Variants in SBF2 observed in about 807,000 individuals in gnomAD.
SBF2 encodes the protein SET binding factor 2, also known as myotubularin-related protein 13.
Under a neutral mutation model 225.2 loss-of-function variants are expected in SBF2, and 112 were observed. The observed-to-expected ratio is 0.50, with a 90% confidence interval of 0.43 to 0.58. The LOEUF is 0.58. SBF2 is among the 20% of genes least tolerant of loss of function. The probability of loss-of-function intolerance (pLI) is 0.00; values close to 1 mark genes in which losing one functional copy is unlikely to be tolerated. For missense variants in SBF2, 1,996 were observed against 2,206.2 expected (o/e 0.90, Z 1.91); for synonymous variants, 763 against 773.3 (o/e 0.99, Z 0.22).
At chr11:10,258,945 T>C (rs78120782) in intron 1 of SBF2, among the ~76,000 whole-genome samples, 3,275 of 151,716 alleles carry the variant, frequency 0.022, 91 homozygotes, top group African/African-American at 0.065. Flanking sequence ...ACAGAAAAAA[T>C]GAGGGGCAGG....
intron 8 of SBF2, among the ~76,000 whole-genome samples, chr11:9,998,581 G>A (rs1466550857): frequency 2.0e-5 from 3 of 152,162 alleles, no homozygotes; most frequent in Non-Finnish European, 4.4e-5. Context: ...TGTGGCATGT[G>A]GCTAAGATTC....
At chr11:10,179,480 G>C (rs1291717078) in intron 2 of SBF2, among the ~76,000 whole-genome samples, 1 of 152,082 alleles carries the variant, frequency 6.6e-6, no homozygotes, top group African/African-American at 2.4e-5. Flanking sequence ...ATGTGCTGAG[G>C]AGAACATATA....
chr11:10,115,840 T>C (rs1953111443), intron 2 of SBF2, among the ~76,000 whole-genome samples: 1 of 152,204 alleles, frequency 6.6e-6, no homozygotes, highest in African/African-American at 2.4e-5. Flanking sequence ...TAAGTTATAA[T>C]ACTACTACAA....
chr11:10,201,500 T>C (rs560832772), intron 1 of SBF2, among the ~76,000 whole-genome samples: 1 of 152,210 alleles, frequency 6.6e-6, no homozygotes, highest in Non-Finnish European at 1.5e-5. Context: ...TCATATTTGA[T>C]CCATTTAGCA....
chr11:9,970,998 TC>T (rs1381961123), intron 13 of SBF2, among the ~76,000 whole-genome samples: 1 of 152,204 alleles, frequency 6.6e-6, no homozygotes, highest in African/African-American at 2.4e-5. Flanking sequence ...GTGTTTTTGT[TC>T]TTCTCTGTTC....
At chr11:10,209,793 A>C (rs1295831763) in intron 1 of SBF2, among the ~76,000 whole-genome samples, 19 of 152,100 alleles carry the variant, frequency 1.2e-4, no homozygotes, top group Non-Finnish European at 2.6e-4. Flanking sequence ...GAAAACCTAA[A>C]ACATTAATAG....
At chr11:9,932,281 C>T (rs1864550555) in intron 16 of SBF2, among the ~76,000 whole-genome samples, 1 of 152,118 alleles carries the variant, frequency 6.6e-6, no homozygotes, top group African/African-American at 2.4e-5. Context: ...ATACAGAGAA[C>T]ACCACAAAGA....
chr11:9,980,478 G>T (rs1200696845), intron 13 of SBF2, among the ~76,000 whole-genome samples: 1 of 151,816 alleles, frequency 6.6e-6, no homozygotes, highest in Non-Finnish European at 1.5e-5. Flanking sequence ...TATGGCTAAT[G>T]ATTTCTGCAT....
chr11:10,254,419 A>G (rs529324570), intron 1 of SBF2, among the ~76,000 whole-genome samples: 2 of 151,884 alleles, frequency 1.3e-5, no homozygotes, highest in Middle Eastern at 6.8e-3. Flanking sequence ...ATATGATCCA[A>G]CTATCCCACT....
chr11:10,287,112 G>A (rs1284589568), intron 1 of SBF2, among the ~76,000 whole-genome samples: 3 of 152,094 alleles, frequency 2.0e-5, no homozygotes, highest in Non-Finnish European at 4.4e-5. Flanking sequence ...GATCCTAAGT[G>A]AAAAAAGTTA....
At chr11:10,128,986 G>A (rs1314069334) in intron 2 of SBF2, among the ~76,000 whole-genome samples, 1 of 151,414 alleles carries the variant, frequency 6.6e-6, no homozygotes, top group East Asian at 1.9e-4. Flanking sequence ...TAGACTACAG[G>A]CTAAAAGAGT....
At chr11:9,810,263 A>T (rs1854107029) in intron 30 of SBF2, 1 of 152,234 alleles carries the variant, frequency 6.6e-6, no homozygotes, top group South Asian at 2.1e-4. Flanking sequence ...GTGACAGAGC[A>T]AGACCCTGTC....
intron 26 of SBF2, 79 bp downstream of exon 26, chr11:9,839,419 G>A: frequency 7.4e-7 from 1 of 1,351,736 alleles, no homozygotes; most frequent in Non-Finnish European, 1.1e-6. Flanking sequence ...TCAGGGCTAT[G>A]GATGCAAATG....
At chr11:9,835,048 G>GT (rs908875467) in intron 26 of SBF2, among the ~76,000 whole-genome samples, 1 of 152,108 alleles carries the variant, frequency 6.6e-6, no homozygotes, top group Non-Finnish European at 1.5e-5. Flanking sequence ...GCTACTCCCA[G>GT]TACCAGTCTC....
chr11:10,133,023 T>G (rs1157674707), intron 2 of SBF2, among the ~76,000 whole-genome samples: 1 of 148,622 alleles, frequency 6.7e-6, no homozygotes, highest in African/African-American at 2.5e-5. Flanking sequence ...TTACAAACCT[T>G]GAGCTAGATA....
intron 1 of SBF2, among the ~76,000 whole-genome samples, chr11:10,270,809 C>T (rs922507989): frequency 2.0e-5 from 3 of 151,916 alleles, no homozygotes; most frequent in African/African-American, 4.8e-5. Context: ...GTGGCTAACA[C>T]GCTGAAACCC....
At chr11:10,046,636 TA>T (rs553558342) in intron 2 of SBF2, among the ~76,000 whole-genome samples, 24 of 143,218 alleles carry the variant, frequency 1.7e-4, no homozygotes, top group East Asian at 4.0e-4. Flanking sequence ...GAATATCTTT[TA>T]AAAAAAAAAA....
chr11:9,913,917 G>A (rs1862859479), intron 16 of SBF2, among the ~76,000 whole-genome samples: 1 of 152,164 alleles, frequency 6.6e-6, no homozygotes, highest in South Asian at 2.1e-4. Context: ...GCCCAGGCAG[G>A]TTTCTAATTC....
At chr11:10,085,458 A>T (rs1322773349) in intron 2 of SBF2, among the ~76,000 whole-genome samples, 1 of 152,034 alleles carries the variant, frequency 6.6e-6, no homozygotes, top group African/African-American at 2.4e-5. Flanking sequence ...ATTTATGTTT[A>T]TTTCAATGAC....
Sources: allele counts gnomAD v4.1 joint callset (sites outside exome capture counted in the v4.1 genomes callset), GRCh38; gene constraint gnomAD v4.1.1; transcripts MANE v1.5; gene names NCBI Gene and HGNC (gene_info 2026-07-23, HGNC 2026-07-21).